CUX1: variants seen among roughly 807,000 people sequenced by gnomAD.
CUX1 encodes the protein cut like homeobox 1.
A neutral mutation model predicts 158.8 loss-of-function variants in CUX1; 31 were observed. The observed-to-expected ratio is 0.20, with a 90% confidence interval of 0.15 to 0.26. The LOEUF (loss-of-function observed/expected upper bound fraction) is 0.26, where lower values mean the gene tolerates loss of function less well. CUX1 is among the 10% of genes least tolerant of loss of function. The pLI, the probability that CUX1 is intolerant of heterozygous loss-of-function variation, is 1.00. For synonymous variants in CUX1, 879 were observed against 862.1 expected (o/e 1.02, Z -0.34); for missense variants, 1,589 against 2,014.6 (o/e 0.79, Z 4.04).
At chr7:102,272,424 A>AC (rs1554546476) in intron 14 of CUX1, among the ~76,000 whole-genome samples, 1 of 152,200 alleles carries the variant, frequency 6.6e-6, no homozygotes, top group Non-Finnish European at 1.5e-5. Flanking sequence ...TGTGCAGCCT[A>AC]CCCCAAAGGA....
intron 11 of CUX1, 101 bp from the exon 12 acceptor site, chr7:102,189,712 C>T: frequency 1.6e-6 from 2 of 1,281,032 alleles, no homozygotes; most frequent in Middle Eastern, 2.1e-4. Flanking sequence ...GCTGGCTTCC[C>T]CTCTCAGGCA....
intron 4 of CUX1, among the ~76,000 whole-genome samples, chr7:102,087,249 T>A (rs1258408494): frequency 8.5e-5 from 13 of 152,198 alleles, no homozygotes; most frequent in Admixed American, 6.5e-5. Flanking sequence ...CCAATTATCT[T>A]ATTAGCTATA....
chr7:101,897,806 T>A (rs889915176), intron 1 of CUX1, among the ~76,000 whole-genome samples: 1 of 152,208 alleles, frequency 6.6e-6, no homozygotes, highest in Non-Finnish European at 1.5e-5. Context: ...AGGGTTTTGC[T>A]TATTGGTGTG....
Position 102,251,662 on chromosome 7 carries a change from G to A in CUX1, c.*2620G>A. Reference sequence around the variant, plus strand: ...GCATTGAGAAGAGTGAGTTCACATCGGTGACCCTTAGGACAGTGAGTGGCA... The same window carrying A: ...GCATTGAGAAGAGTGAGTTCACATCAGTGACCCTTAGGACAGTGAGTGGCA... On this transcript the variant is annotated 3_prime_UTR_variant, in exon 24 of 24. Transcript: ENST00000292535. The A allele has an allele frequency of 5.1e-6, 5 of 985,368 alleles. No individual in the cohort carries two copies. The highest frequency in any genetic ancestry group is 5.2e-4 in the Middle Eastern group (1 of 1,914). The allele number at this position is 985,368 out of a possible 1,614,324, so 61.0% of individuals were successfully genotyped here. A position where few individuals can be genotyped will look rare whatever the true frequency, so the allele number is the denominator to read the frequency against.
chr7:101,987,902 A>T (rs1437467790), intron 2 of CUX1, among the ~76,000 whole-genome samples: 1 of 152,158 alleles, frequency 6.6e-6, no homozygotes, highest in Non-Finnish European at 1.5e-5. Context: ...GAGAAAGCTG[A>T]CTCTGTTGGT....
chr7:102,197,184 C>A lies in CUX1; in HGVS notation c.1773C>A (p.Ala591=). ...AAGGGTCCGTGAGCGAGATTCTGGC[C>A]CGGCCCAAGCCATGGAATAAACTGA... is the stretch of plus-strand genomic sequence containing the variant. ...LSQGSVSEIL[A]RPKPWNKLTV... is the part of the protein sequence containing the mutation. The change falls in exon 15 of 24, where the codon GCC becomes GCA. Residue 591 remains alanine (A), a synonymous_variant. Transcript: ENST00000292535. The A allele has an allele frequency of 4.3e-6, 7 of 1,614,220 alleles. No homozygotes were observed. Among genetic ancestry groups the A allele is most frequent in the Non-Finnish European group, 5.9e-6 (7 of 1,180,054 alleles).
intron 2 of CUX1, among the ~76,000 whole-genome samples, chr7:102,019,280 T>A (rs968876522): frequency 7.3e-5 from 11 of 151,470 alleles, no homozygotes; most frequent in Non-Finnish European, 2.9e-5. Flanking sequence ...CAGGCTGGAG[T>A]GCAGTGGCAC....
chr7:102,274,360 A>T (rs1554547140), intron 16 of CUX1: 3 of 1,506,626 alleles, frequency 2.0e-6, no homozygotes, highest in South Asian at 2.3e-5. Flanking sequence ...GGAAGAGGAG[A>T]CAGGTGATAC....
At chr7:102,218,784 G>GTGA (rs1423736721) in intron 20 of CUX1, among the ~76,000 whole-genome samples, 1 of 152,108 alleles carries the variant, frequency 6.6e-6, no homozygotes, top group South Asian at 2.1e-4. Flanking sequence ...CAGGCACGGT[G>GTGA]GCTCAGGCCC....
Position 101,860,595 on chromosome 7 carries a change from C to G in CUX1, c.30+42926C>G, listed in dbSNP as rs553891372. On this transcript the variant is annotated intron_variant, in intron 1 of 23. Transcript: ENST00000292535. ...CCAGGGCCTGGGGCTAGCCACTGCT[C>G]TTTTGTGAGCCTCAGTTTCTTCATC... Among the ~76,000 whole-genome samples, 34 of 152,314 alleles carry G rather than the reference C, an allele frequency of 2.2e-4. No homozygotes were observed. In the South Asian group the frequency reaches 7.0e-3, roughly 32 times the overall value.
chr7:102,278,258 TCA>T (rs1235792047), intron 18 of CUX1, among the ~76,000 whole-genome samples: 4 of 152,018 alleles, frequency 2.6e-5, no homozygotes, highest in South Asian at 4.1e-4. Context: ...CGGGAGAAGC[TCA>T]CAGAGTGGAG....
chr7:102,183,208 T>G (rs1324233566), intron 11 of CUX1, among the ~76,000 whole-genome samples: 1 of 152,166 alleles, frequency 6.6e-6, no homozygotes, highest in Non-Finnish European at 1.5e-5. Flanking sequence ...GAGACAGGGT[T>G]TCACCATGTT....
rs1789791350 is a variant in CUX1, at chr7:102,255,421, GAGAA to G, written c.*6383_*6386del. The G allele has an allele frequency of 1.0e-6, 1 of 983,738 alleles. No individual in the cohort carries two copies. The highest frequency in any genetic ancestry group is 1.8e-5 in the African/African-American group (1 of 56,770). 60.9% of individuals were successfully genotyped at this position (983,738 alleles called of 1,614,324 possible). ...AAAGACAAAAAAAAAAGGCTGGCGAGAGAAAGACATTTGGCTATGCATAAATGTG... is the reference window on the plus strand; with the variant it reads ...AAAGACAAAAAAAAAAGGCTGGCGAGAGACATTTGGCTATGCATAAATGTG... On this transcript the variant is annotated 3_prime_UTR_variant, in exon 24 of 24. Coordinates refer to ENST00000292535, the MANE Select transcript of CUX1 (RefSeq NM_181552.4).
chr7:101,939,216 C>T lies in CUX1; in HGVS notation c.141+22991C>T, dbSNP rs565015285. ...CCACTTATCTGTTTTTTGCTGGCAT[C>T]ATTTTGTATTTTCTGGAGTGTTACA... On this transcript the variant is annotated intron_variant, in intron 2 of 23. Transcript: ENST00000292535. Among the ~76,000 whole-genome samples the T allele has an allele frequency of 2.6e-5, 4 of 150,964 alleles. No homozygotes were observed. In the South Asian group the frequency reaches 8.4e-4, roughly 32 times the overall value.
At chr7:102,118,324 G>C (rs1831650546) in intron 8 of CUX1, among the ~76,000 whole-genome samples, 1 of 152,136 alleles carries the variant, frequency 6.6e-6, no homozygotes, top group Admixed American at 6.5e-5. Flanking sequence ...GCTCACTTGA[G>C]CCCAGGAGTT....
intron 2 of CUX1, among the ~76,000 whole-genome samples, chr7:101,973,711 T>C (rs758118576): frequency 3.3e-5 from 5 of 152,010 alleles, no homozygotes; most frequent in Non-Finnish European, 7.4e-5. Flanking sequence ...TTAGAACATA[T>C]GGGACAGGCA....
chr7:101,981,000 G>A lies in CUX1; in HGVS notation c.142-47098G>A, dbSNP rs186370461. The stretch of plus-strand genomic sequence containing the variant: ...GAAATTTCAGGCAATATTTAGTTTG[G>A]TGCAAAAGTCATTGTGGTTTTTGCA... On this transcript the variant is annotated intron_variant, in intron 2 of 23. Coordinates refer to ENST00000292535, the MANE Select transcript of CUX1 (RefSeq NM_181552.4). 9.9e-5 allele frequency among the ~76,000 whole-genome samples: 15 copies of A among 152,222 alleles called. No individual in the cohort carries two copies. The East Asian group carries it at 2.5e-3, about 25-fold the overall frequency.
intron 1 of CUX1, among the ~76,000 whole-genome samples, chr7:101,833,862 T>TC (rs1187264655): frequency 1.3e-5 from 2 of 152,096 alleles, no homozygotes; most frequent in Non-Finnish European, 2.9e-5. Flanking sequence ...TCACTGCAAT[T>TC]TTCCCCCCCA....
chr7:102,007,509 A>C (rs1174963551), intron 2 of CUX1, among the ~76,000 whole-genome samples: 3 of 151,414 alleles, frequency 2.0e-5, no homozygotes. Context: ...GGTATTTCCC[A>C]CGTGGATTTC....
Sources: gnomAD v4.1 joint callset for allele counts (sites outside exome capture counted in the v4.1 genomes callset) on GRCh38, gnomAD v4.1.1 for gene constraint, MANE v1.5 for transcripts, NCBI Gene and HGNC (gene_info 2026-07-23, HGNC 2026-07-21) for gene names.